The following BTD variants were observed in gnomAD, a reference collection of about 807,000 sequenced individuals.
BTD encodes the protein biocytinase.
A neutral mutation model predicts 17.7 loss-of-function variants in BTD; 13 were observed. The observed-to-expected ratio is 0.74, with a 90% confidence interval of 0.48 to 1.17. BTD has a LOEUF of 1.17. Among genes scored for constraint, BTD ranks in the 50% most tolerant of loss-of-function variants. The probability of loss-of-function intolerance (pLI) is 0.00; values close to 1 mark genes in which losing one functional copy is unlikely to be tolerated. For missense variants in BTD, 674 were observed against 650.4 expected (o/e 1.04, Z -0.39); for synonymous variants, 240 against 245.2 (o/e 0.98, Z 0.20).
rs934908503 is a variant in BTD at position 15,649,007 on chromosome 3, G to C, written c.*3519G>C. 3.9e-5 allele frequency among the ~76,000 whole-genome samples: 6 copies of C among 152,188 alleles called. No homozygotes were observed. Among genetic ancestry groups the C allele is most frequent in the African/African-American group, 1.4e-4 (6 of 41,444 alleles). On this transcript the variant is annotated 3_prime_UTR_variant, in exon 4 of 4. Transcript: ENST00000643237. ...CCCCTGCAGGTTTCAGAAGAAGCAT[G>C]GCTCTGCCAACACCTTGATTTTGGA...
intron 1 of BTD, 188 bp downstream of exon 1, chr3:15,602,082 G>C: frequency 6.9e-7 from 1 of 1,439,870 alleles, no homozygotes; most frequent in Non-Finnish European, 9.1e-7. Flanking sequence ...GCGTTTTCTA[G>C]GCATTTACTT....
At chr3:15,687,862 A>C (rs2068322031) in intron 3 of BTD, among the ~76,000 whole-genome samples, 1 of 152,158 alleles carries the variant, frequency 6.6e-6, no homozygotes, top group Non-Finnish European at 1.5e-5. Flanking sequence ...CTACTGATGA[A>C]TGTTTGTGTC....
At chr3:15,718,796 G>A (rs1258523414) in intron 4 of BTD, among the ~76,000 whole-genome samples, 1 of 152,186 alleles carries the variant, frequency 6.6e-6, no homozygotes, top group Non-Finnish European at 1.5e-5. Flanking sequence ...CACAGAGACT[G>A]AGAAAACTTG....
rs1170368704 is a variant in BTD, at chr3:15,652,076, C to A, written c.*6588C>A. Among the ~76,000 whole-genome samples the A allele has an allele frequency of 5.9e-5, 9 of 152,168 alleles. No homozygotes were observed. Among genetic ancestry groups the A allele is most frequent in the African/African-American group, 1.7e-4 (7 of 41,426 alleles). On this transcript the variant is annotated 3_prime_UTR_variant, in exon 4 of 4. Transcript: ENST00000643237. ...GGGCACGGTGGCTTACGCCTGTAATCCCAGCACTTTGGGAGGCCAAGCCTG... is the reference window on the plus strand; with the variant it reads ...GGGCACGGTGGCTTACGCCTGTAATACCAGCACTTTGGGAGGCCAAGCCTG...
intron 2 of BTD, among the ~76,000 whole-genome samples, chr3:15,637,908 C>G (rs1385340036): frequency 6.6e-6 from 1 of 152,230 alleles, no homozygotes; most frequent in Non-Finnish European, 1.5e-5. Context: ...GCCAGCTGCA[C>G]AGCATCACTC....
chr3:15,629,059 T>C (rs969074971), intron 1 of BTD, among the ~76,000 whole-genome samples: 1 of 152,196 alleles, frequency 6.6e-6, no homozygotes, highest in African/African-American at 2.4e-5. Context: ...GTTTGAGTGT[T>C]TAATGCTTTC....
intron 3 of BTD, among the ~76,000 whole-genome samples, chr3:15,700,359 A>G (rs939865357): frequency 6.6e-6 from 1 of 152,102 alleles, no homozygotes; most frequent in Non-Finnish European, 1.5e-5. Context: ...AATGTAAATG[A>G]TGAGTTGATG....
intron 1 of BTD, among the ~76,000 whole-genome samples, chr3:15,629,847 TG>T (rs2065160296): frequency 6.6e-6 from 1 of 152,218 alleles, no homozygotes; most frequent in Admixed American, 6.5e-5. Context: ...TAACCAGTCC[TG>T]GAGTTTTCCC....
In BTD at chr3:15,621,600, TC is replaced by T. The variant is rs1415981343; in HGVS notation, c.-16-13823del. On this transcript the variant is annotated intron_variant, in intron 1 of 3. Transcript: ENST00000643237. ...TCTTTTAAGAAATTGGTTATCATTT[TC>T]TTTTTTTTTTCCTTTGAGATGGAGT... Among the ~76,000 whole-genome samples the T allele has an allele frequency of 3.5e-4, 53 of 151,638 alleles. 1 individual carries two copies. The highest frequency in any genetic ancestry group is 1.2e-3 in the African/African-American group (50 of 40,928).
At chr3:15,703,261 A>G (rs894301741) in intron 3 of BTD, among the ~76,000 whole-genome samples, 1 of 152,248 alleles carries the variant, frequency 6.6e-6, no homozygotes, top group South Asian at 2.1e-4. Context: ...CATTTTTATG[A>G]AGTTTGAAAA....
chr3:15,664,338 G>A (rs1055418149), intron 3 of BTD, among the ~76,000 whole-genome samples: 1 of 152,218 alleles, frequency 6.6e-6, no homozygotes, highest in African/African-American at 2.4e-5. Flanking sequence ...GGAGAATGAG[G>A]TTTTGAAAGA....
At chr3:15,671,727 G>C (rs535823735) in intron 3 of BTD, among the ~76,000 whole-genome samples, 1 of 151,898 alleles carries the variant, frequency 6.6e-6, no homozygotes, top group South Asian at 2.1e-4. Flanking sequence ...GGGATTACAC[G>C]TGTGTGCCAC....
intron 3 of BTD, among the ~76,000 whole-genome samples, chr3:15,644,010 ATTTATTTT>A (rs2065615772): frequency 7.0e-6 from 1 of 142,676 alleles, no homozygotes; most frequent in South Asian, 2.1e-4. Context: ...TTATTTATTT[ATTTATTTT>A]GAGACGGAGT....
At chr3:15,701,848 G>A (rs1459739621) in intron 3 of BTD, among the ~76,000 whole-genome samples, 4 of 152,024 alleles carry the variant, frequency 2.6e-5, no homozygotes, top group Admixed American at 1.3e-4. Context: ...CCTTGGTGCC[G>A]AATTCAGAGG....
chr3:15,623,136 A>C (rs1260628122), intron 1 of BTD, among the ~76,000 whole-genome samples: 1 of 152,184 alleles, frequency 6.6e-6, no homozygotes, highest in African/African-American at 2.4e-5. Context: ...TATGTGGGAA[A>C]CCACTCCCAT....
chr3:15,615,356 G>T (rs914479403), intron 1 of BTD, among the ~76,000 whole-genome samples: 1 of 152,124 alleles, frequency 6.6e-6, no homozygotes, highest in Non-Finnish European at 1.5e-5. Flanking sequence ...AAGTTTCTAC[G>T]TCAGATAGTT....
At chr3:15,609,612 T>C (rs1232702945) in intron 1 of BTD, among the ~76,000 whole-genome samples, 2 of 152,214 alleles carry the variant, frequency 1.3e-5, no homozygotes, top group Admixed American at 1.3e-4. Flanking sequence ...AATTTTTAAA[T>C]GTGAAATGGC....
At chr3:15,686,228 T>C (rs1219083546) in intron 3 of BTD, 9 of 1,591,570 alleles carry the variant, frequency 5.7e-6, no homozygotes, top group Non-Finnish European at 7.7e-6. Flanking sequence ...TTACTGTCCA[T>C]TTCCATCTTG....
rs1298714388 is a variant in BTD, at chr3:15,642,604, A to G, written c.399+547A>G. Among the ~76,000 whole-genome samples, 3 of 151,656 alleles carry G rather than the reference A, an allele frequency of 2.0e-5. No individual in the cohort carries two copies. In the South Asian group the frequency reaches 6.2e-4, roughly 32 times the overall value. ...CGAGTAGCTGGGACTACAGGCACCC[A>G]CCACCACGCCCGGCTAATTTTTTTT... On this transcript the variant is annotated intron_variant, in intron 3 of 3. Transcript: ENST00000643237.
Sources: gnomAD v4.1 joint callset for allele counts (sites outside exome capture counted in the v4.1 genomes callset) on GRCh38, gnomAD v4.1.1 for gene constraint, MANE v1.5 for transcripts, NCBI Gene and HGNC (gene_info 2026-07-23, HGNC 2026-07-21) for gene names.